Variants in KAZN observed in about 807,000 individuals in gnomAD.
KAZN encodes the protein kazrin.
KAZN carries 40 observed loss-of-function variants against 87.4 expected under a neutral mutation model. That is an observed-to-expected ratio of 0.46 (90% CI 0.36 to 0.60). The LOEUF is 0.60. Ranked by LOEUF, KAZN falls within the 20% of genes least tolerant of loss-of-function variation. The probability of loss-of-function intolerance (pLI) is 0.00; values close to 1 mark genes in which losing one functional copy is unlikely to be tolerated. For missense variants in KAZN, 898 were observed against 1,073.9 expected, an observed-to-expected ratio of 0.84 and a Z score of 2.29; for synonymous variants, 466 against 458.3, an observed-to-expected ratio of 1.02 and a Z score of -0.22.
At chr1:14,521,368 C>T (rs1671579163) in intron 2 of KAZN, among the ~76,000 whole-genome samples, 1 of 152,186 alleles carries the variant, frequency 6.6e-6, no homozygotes, top group Non-Finnish European at 1.5e-5. Context: ...GGTCTGCTGT[C>T]CAAATGGCTC....
intron 1 of KAZN, among the ~76,000 whole-genome samples, chr1:14,850,478 C>A (rs1010039064): frequency 6.6e-6 from 1 of 152,122 alleles, no homozygotes; most frequent in African/African-American, 2.4e-5. Context: ...ATTTTACAGA[C>A]GAGAAAACCA....
At chr1:15,074,448 CA>C (rs1639649595) in intron 8 of KAZN, among the ~76,000 whole-genome samples, 1 of 152,148 alleles carries the variant, frequency 6.6e-6, no homozygotes, top group Admixed American at 6.5e-5. Flanking sequence ...GTGAAGGAGT[CA>C]CTCCTCATGG....
chr1:14,593,687 C>G (rs765976265), upstream of KAZN, among the ~76,000 whole-genome samples: 6 of 151,922 alleles, frequency 3.9e-5, no homozygotes, highest in Non-Finnish European at 1.5e-5. Flanking sequence ...TGGCCATATA[C>G]GCTATGAAAT....
intron 2 of KAZN, among the ~76,000 whole-genome samples, chr1:14,515,420 G>A (rs918061987): frequency 6.6e-6 from 1 of 152,198 alleles, no homozygotes; most frequent in Non-Finnish European, 1.5e-5. Flanking sequence ...AGCAGGGCAT[G>A]TTCATGACAT....
At chr1:13,941,058 G>T (rs113233170) in intron 1 of KAZN, among the ~76,000 whole-genome samples, 4,970 of 152,138 alleles carry the variant, frequency 0.033, 375 homozygotes, top group East Asian at 0.32. Flanking sequence ...GCCAGGCATG[G>T]TAGCACATGC....
intron 1 of KAZN, among the ~76,000 whole-genome samples, chr1:14,693,058 C>A (rs1347925009): frequency 6.6e-6 from 1 of 152,156 alleles, no homozygotes; most frequent in Non-Finnish European, 1.5e-5. Flanking sequence ...CTGCTTCGAC[C>A]CTAAGCAACT....
At chr1:14,958,378 T>C (rs551304578) in intron 1 of KAZN, among the ~76,000 whole-genome samples, 10 of 102,172 alleles carry the variant, frequency 9.8e-5, no homozygotes, top group African/African-American at 1.5e-4. Context: ...GGAGCACTTC[T>C]TATATACATG....
chr1:14,157,516 G>A (rs1021791920), intron 1 of KAZN, among the ~76,000 whole-genome samples: 2 of 152,156 alleles, frequency 1.3e-5, no homozygotes, highest in African/African-American at 4.8e-5. Flanking sequence ...TAGGGTAAAA[G>A]TTTTTTCCTT....
chr1:15,092,760 C>A (rs1640613050), intron 8 of KAZN, among the ~76,000 whole-genome samples: 1 of 152,176 alleles, frequency 6.6e-6, no homozygotes, highest in Non-Finnish European at 1.5e-5. Flanking sequence ...TAGGCGTGAG[C>A]TACCACGCCC....
chr1:14,899,682 C>T (rs1655644619), intron 1 of KAZN, among the ~76,000 whole-genome samples: 1 of 152,178 alleles, frequency 6.6e-6, no homozygotes, highest in African/African-American at 2.4e-5. Flanking sequence ...TTCCCCTCCC[C>T]AGGTCCCACC....
At chr1:14,159,796 G>A (rs1267552258) in intron 1 of KAZN, among the ~76,000 whole-genome samples, 1 of 152,228 alleles carries the variant, frequency 6.6e-6, no homozygotes, top group Non-Finnish European at 1.5e-5. Context: ...GGGCTCTTCA[G>A]TTAGCAGGTG....
intron 2 of KAZN, among the ~76,000 whole-genome samples, chr1:14,529,713 A>C (rs888466809): frequency 1.1e-4 from 17 of 152,196 alleles, no homozygotes; most frequent in Admixed American, 1.0e-3. Context: ...CTGGGATTAG[A>C]AACAGCCAGA....
chr1:14,071,852 A>G (rs1263424016), intron 1 of KAZN, among the ~76,000 whole-genome samples: 2 of 152,208 alleles, frequency 1.3e-5, no homozygotes, highest in East Asian at 1.9e-4. Flanking sequence ...GCAGGTGGGA[A>G]TAGCCCACTA....
intron 1 of KAZN, among the ~76,000 whole-genome samples, chr1:14,680,775 C>T (rs1269520008): frequency 6.6e-6 from 1 of 152,112 alleles, no homozygotes; most frequent in East Asian, 1.9e-4. Context: ...TTCAGTAGTT[C>T]ATTCATTTTG....
At chr1:14,392,986 A>G (rs1662583307) in intron 2 of KAZN, among the ~76,000 whole-genome samples, 1 of 152,150 alleles carries the variant, frequency 6.6e-6, no homozygotes, top group African/African-American at 2.4e-5. Flanking sequence ...TCCATGGTGC[A>G]GTGGTCAATA....
intron 2 of KAZN, among the ~76,000 whole-genome samples, chr1:14,250,284 T>C (rs532916537): frequency 1.3e-5 from 2 of 151,978 alleles, no homozygotes; most frequent in Admixed American, 6.6e-5. Context: ...AATAATACAA[T>C]ATAAAGCCCC....
intron 2 of KAZN, among the ~76,000 whole-genome samples, chr1:14,356,441 T>A (rs1296480513): frequency 6.6e-6 from 1 of 152,218 alleles, no homozygotes; most frequent in Non-Finnish European, 1.5e-5. Flanking sequence ...TAGATCCCAT[T>A]TGTCAATTTT....
intron 2 of KAZN, among the ~76,000 whole-genome samples, chr1:14,385,131 T>C (rs910855587): frequency 1.3e-5 from 2 of 152,212 alleles, no homozygotes; most frequent in Non-Finnish European, 2.9e-5. Flanking sequence ...TCTCTGATGG[T>C]AGTTTGTATT....
chr1:14,712,063 G>A (rs1227229665), intron 1 of KAZN, among the ~76,000 whole-genome samples: 1 of 152,206 alleles, frequency 6.6e-6, no homozygotes, highest in Non-Finnish European at 1.5e-5. Flanking sequence ...GCAAGGGGAA[G>A]AAGAGTAGGG....
Sources: allele counts gnomAD v4.1 joint callset (sites outside exome capture counted in the v4.1 genomes callset), GRCh38; gene constraint gnomAD v4.1.1; transcripts MANE v1.5; gene names NCBI Gene and HGNC (gene_info 2026-07-23, HGNC 2026-07-21).